The following NOTCH2 variants were observed in gnomAD, a reference collection of about 807,000 sequenced individuals.
The protein encoded by NOTCH2 is notch receptor 2.
In NOTCH2, 29 loss-of-function variants were observed where a neutral mutation model predicts 235.8. The observed-to-expected ratio is 0.12, with a 90% CI of 0.09 to 0.17. The LOEUF is 0.17. NOTCH2 is among the 10% of genes least tolerant of loss of function. The probability of loss-of-function intolerance (pLI) is 1.00; values close to 1 mark genes in which losing one functional copy is unlikely to be tolerated. For missense variants in NOTCH2, 2,285 were observed against 3,150.2 expected (o/e 0.73, Z 6.57); for synonymous variants, 1,086 against 1,141.5 (o/e 0.95, Z 0.98).
chr1:119,999,980 G>GA (rs1652677026), intron 3 of NOTCH2, among the ~76,000 whole-genome samples: 110 of 73,234 alleles, frequency 1.5e-3, no homozygotes, highest in Middle Eastern at 6.0e-3. Flanking sequence ...AGAAAGAAAG[G>GA]AAGGAAGGAA....
chr1:119,937,599 C>T (rs1649905647), intron 20 of NOTCH2, 133 bp from the exon 21 acceptor site: 1 of 891,484 alleles, frequency 1.1e-6, no homozygotes, highest in African/African-American at 1.7e-5. Context: ...TCACAACCCT[C>T]AGTACCAGAT....
chr1:120,008,802 C>T (rs1401478439), intron 2 of NOTCH2, among the ~76,000 whole-genome samples: 3 of 152,164 alleles, frequency 2.0e-5, no homozygotes, highest in Non-Finnish European at 4.4e-5. Context: ...CTATTATGTG[C>T]CAGGCATTTT....
chr1:119,931,871 T>C (rs1649672554), intron 22 of NOTCH2, among the ~76,000 whole-genome samples: 1 of 151,354 alleles, frequency 6.6e-6, no homozygotes. Flanking sequence ...TAAAAATCAC[T>C]ATAAAGAAAA....
At chr1:119,933,208 A>T (rs1649728927) in intron 22 of NOTCH2, among the ~76,000 whole-genome samples, 1 of 152,226 alleles carries the variant, frequency 6.6e-6, no homozygotes, top group Admixed American at 6.5e-5. Flanking sequence ...TAGTAGGAAG[A>T]GGCAGAACTG....
rs1178230776 is a variant in NOTCH2 at position 119,925,361 on chromosome 1, G to A, written c.4455C>T (p.Asn1485=). ...YINNQCDELC[N]TVECLFDNFE... is the part of the protein sequence containing the mutation. ...AGTTGTCAAACAGGCACTCGACCGT[G>A]TTGCACAGCTCATCACACTGGTTGT... The change falls in exon 25 of 34, where the codon AAC becomes AAT. Residue 1485 remains asparagine, a synonymous_variant. Coordinates refer to ENST00000256646, the MANE Select transcript of NOTCH2 (RefSeq NM_024408.4). 6.2e-7 allele frequency: 1 copy of A among 1,614,188 alleles called. No homozygotes were observed. Among genetic ancestry groups the A allele is most frequent in the Non-Finnish European group, 8.5e-7 (1 of 1,180,032 alleles).
chr1:119,925,506 C>T lies in NOTCH2; in HGVS notation c.4310G>A (p.Gly1437Asp), dbSNP rs1396051263. Reference sequence around the variant, plus strand: ...GCTGTTGCAGGCCTCATCACAGACGCCATCCCGAGCTTTGTCGGCACAATA... The same window carrying T: ...GCTGTTGCAGGCCTCATCACAGACGTCATCCCGAGCTTTGTCGGCACAATA... ...SQYCADKARDGVCDEACNSHA... is the reference protein window; with the variant it reads ...SQYCADKARDDVCDEACNSHA... The change falls in exon 25 of 34, where the codon GGC becomes GAC. Residue 1437 changes from glycine (G) to aspartate (D), a missense_variant. Around this residue, in one of 6 missense-constraint regions of NOTCH2, gnomAD observed 1,173 missense variants for 1,515.3 expected, o/e 0.77. Transcript: ENST00000256646. 2 of 1,614,170 alleles carry T rather than the reference C, an allele frequency of 1.2e-6. No individual in the cohort carries two copies. Among genetic ancestry groups the T allele is most frequent in the Non-Finnish European group, 1.7e-6 (2 of 1,180,044 alleles).
At chr1:119,938,343 A>G (rs1338750131) in intron 19 of NOTCH2, among the ~76,000 whole-genome samples, 2 of 152,248 alleles carry the variant, frequency 1.3e-5, no homozygotes, top group Non-Finnish European at 1.5e-5. Context: ...TAAAAAAAAA[A>G]TCACTAAACT....
At chr1:119,942,850 A>T (rs1650108772) in intron 17 of NOTCH2, among the ~76,000 whole-genome samples, 1 of 150,906 alleles carries the variant, frequency 6.6e-6, no homozygotes, top group Non-Finnish European at 1.5e-5. Context: ...GTAATACATC[A>T]TTAAAATTAT....
chr1:119,968,944 G>A (rs1651256107), intron 6 of NOTCH2, among the ~76,000 whole-genome samples: 1 of 152,226 alleles, frequency 6.6e-6, no homozygotes, highest in Non-Finnish European at 1.5e-5. Context: ...AGTTCTCCCA[G>A]CTAAATTATC....
At chr1:119,923,407 G>A (rs1258079104) in intron 26 of NOTCH2, among the ~76,000 whole-genome samples, 1 of 152,206 alleles carries the variant, frequency 6.6e-6, no homozygotes, top group Admixed American at 6.5e-5. Flanking sequence ...CATCTGAGGA[G>A]GCCTTCCAGA....
rs1650030920 is a variant in NOTCH2 at position 119,940,604 on chromosome 1, C to T, written c.3134G>A (p.Gly1045Asp). The T allele has an allele frequency of 6.2e-7, 1 of 1,614,006 alleles. No individual in the cohort carries two copies. Among genetic ancestry groups the T allele is most frequent in the Admixed American group, 1.7e-5 (1 of 59,994 alleles). ...LNEGTCVDGL[G>D]TYRCSCPLGY... is the part of the protein sequence containing the mutation. ...CAGGGGGCAGCTGCAGCGGTAGGTA[C>T]CCAGGCCATCAACACACGTTCCCTC... The change falls in exon 19 of 34, where the codon GGT becomes GAT. Residue 1045 changes from glycine to aspartate, a missense_variant. This residue lies in a region of NOTCH2 where 1,173 missense variants were observed against 1,515.3 expected (regional missense o/e 0.77). Transcript: ENST00000256646.
chr1:120,047,750 A>G (rs1553213852), intron 1 of NOTCH2, among the ~76,000 whole-genome samples: 1 of 147,224 alleles, frequency 6.8e-6, no homozygotes, highest in East Asian at 2.0e-4. Context: ...GCTCTTGAAA[A>G]ATTACTTTAC....
At position 119,925,565 on chromosome 1, in the gene NOTCH2, G is replaced by T. The variant is rs753529430; in HGVS notation, c.4251C>A (p.Pro1417=). ...SGSRCELYTA[P]PSTPPATCLS... is the part of the protein sequence containing the mutation. ...GACAGGTGGCAGGAGGGGTGCTGGG[G>T]GGTGCCGTGTAGAGTTCACAGCGGC... The change falls in exon 25 of 34, where the codon CCC becomes CCA. Residue 1417 remains proline, a synonymous_variant. Coordinates refer to ENST00000256646, the MANE Select transcript of NOTCH2 (RefSeq NM_024408.4). 1 of 1,614,158 alleles carries T rather than the reference G, an allele frequency of 6.2e-7. No individual in the cohort carries two copies.
In NOTCH2 at chr1:119,966,723, T is replaced by C. The variant is rs141106032; in HGVS notation, c.1454-234A>G. ...CGGGAAGGGATTACATTAAAAGACATTGGCAAGACCTAGCATATAAACAAG... is the reference window on the plus strand; with the variant it reads ...CGGGAAGGGATTACATTAAAAGACACTGGCAAGACCTAGCATATAAACAAG... On this transcript the variant is annotated intron_variant, in intron 8 of 33. Coordinates refer to ENST00000256646, the MANE Select transcript of NOTCH2 (RefSeq NM_024408.4). Among the ~76,000 whole-genome samples the C allele has an allele frequency of 1.6e-4, 25 of 152,266 alleles. No individual in the cohort carries two copies. In the East Asian group the frequency reaches 3.7e-3, roughly 22 times the overall value.
intron 5 of NOTCH2, among the ~76,000 whole-genome samples, chr1:119,975,897 A>G (rs1021166013): frequency 7.2e-5 from 11 of 152,162 alleles, no homozygotes; most frequent in African/African-American, 2.7e-4. Context: ...TGGAGCTACA[A>G]GTGATGGGTA....
At chr1:119,932,884 C>T (rs782790800) in intron 22 of NOTCH2, among the ~76,000 whole-genome samples, 1 of 152,022 alleles carries the variant, frequency 6.6e-6, no homozygotes, top group Non-Finnish European at 1.5e-5. Flanking sequence ...TACATGTTTG[C>T]AGGAGAGGGA....
At chr1:119,939,193 A>G (rs1379014347) in intron 19 of NOTCH2, among the ~76,000 whole-genome samples, 1 of 152,132 alleles carries the variant, frequency 6.6e-6, no homozygotes, top group East Asian at 1.9e-4. Flanking sequence ...CCAAAAACAG[A>G]TTTTTCCCCC....
chr1:119,915,968 C>A lies in NOTCH2; in HGVS notation c.6754G>T (p.Asp2252Tyr), dbSNP rs1302985075. ...TTCACCTCCATGCGGTTCATCCAAT[C>A]TGCTGGGACTGGGACTGGATGGAGC... ...SRLHPVPVPADWMNRMEVNET... is the reference protein window; with the variant it reads ...SRLHPVPVPAYWMNRMEVNET... Residue 2252 changes from aspartate to tyrosine, a missense_variant, in exon 34 of 34, where the codon GAT becomes TAT. Transcript: ENST00000256646. The A allele has an allele frequency of 6.2e-7, 1 of 1,614,096 alleles. No individual in the cohort carries two copies. The highest frequency in any genetic ancestry group is 8.5e-7 in the Non-Finnish European group (1 of 1,180,034).
intron 1 of NOTCH2, among the ~76,000 whole-genome samples, chr1:120,033,748 T>C (rs868938823): frequency 1.4e-4 from 21 of 151,898 alleles, no homozygotes; most frequent in African/African-American, 5.1e-4. Context: ...ATATAGTTAA[T>C]AATAGGGTAT....
Sources: gnomAD v4.1 joint callset for allele counts (sites outside exome capture counted in the v4.1 genomes callset) on GRCh38, gnomAD v4.1.1 for gene constraint, gnomAD v4.1.1 regional missense constraint, MANE v1.5 for transcripts, NCBI Gene and HGNC (gene_info 2026-07-23, HGNC 2026-07-21) for gene names.